The following ERO1A variants were observed in gnomAD, a reference collection of about 807,000 sequenced individuals.
The protein encoded by ERO1A is ERO1-like protein alpha.
In ERO1A, 49 loss-of-function variants were observed where a neutral mutation model predicts 76.9. That is an observed-to-expected ratio of 0.64 (90% CI 0.51 to 0.81). The LOEUF (loss-of-function observed/expected upper bound fraction) is 0.81. ERO1A is among the 30% of genes least tolerant of loss of function. The probability of loss-of-function intolerance (pLI) is 0.00; values close to 1 mark genes in which losing one functional copy is unlikely to be tolerated. For missense variants in ERO1A, 448 were observed against 542.1 expected (o/e 0.83, Z 1.72); for synonymous variants, 174 against 181.2 (o/e 0.96, Z 0.32).
intron 7 of ERO1A, among the ~76,000 whole-genome samples, chr14:52,665,020 CT>C (rs2040362506): frequency 6.6e-6 from 1 of 150,530 alleles, no homozygotes; most frequent in Admixed American, 7.0e-5. Context: ...AATCCCAGCA[CT>C]TTGGGCATGG....
At chr14:52,674,000 A>C (rs1424800512) in intron 4 of ERO1A, among the ~76,000 whole-genome samples, 1 of 152,250 alleles carries the variant, frequency 6.6e-6, no homozygotes, top group Non-Finnish European at 1.5e-5. Context: ...TTTGTTTCAT[A>C]GATTTCTTGA....
At chr14:52,668,834 A>G (rs563865139) in intron 6 of ERO1A, among the ~76,000 whole-genome samples, 3 of 149,206 alleles carry the variant, frequency 2.0e-5, no homozygotes, top group Non-Finnish European at 4.4e-5. Context: ...ATTATATTAA[A>G]TATTACTATA....
rs2039419899 is a variant in ERO1A at position 52,640,028 on chromosome 14, C to G, written c.*3542G>C. 6.6e-6 allele frequency: 1 copy of G among 152,182 alleles called. No homozygotes were observed. The highest frequency in any genetic ancestry group is 1.5e-5 in the Non-Finnish European group (1 of 68,022). The allele number at this position is 152,182 out of a possible 1,614,324, so 9.4% of individuals were successfully genotyped here. A position where few individuals can be genotyped will look rare whatever the true frequency, so the allele number is the denominator to read the frequency against. ...AGTATTTGGAATATAGGTAGGACCT[C>G]TAATATAATAAAGATGTCACTTTAA... is the stretch of plus-strand genomic sequence containing the variant. On this transcript the variant is annotated 3_prime_UTR_variant, in exon 16 of 16. Transcript: ENST00000395686.
At chr14:52,662,643 G>C (rs957068586) in intron 8 of ERO1A, among the ~76,000 whole-genome samples, 1 of 152,108 alleles carries the variant, frequency 6.6e-6, no homozygotes, top group Non-Finnish European at 1.5e-5. Flanking sequence ...TTACAGATGG[G>C]GTAGGGTTTT....
chr14:52,687,149 T>C (rs1490774061), intron 1 of ERO1A, among the ~76,000 whole-genome samples: 1 of 152,082 alleles, frequency 6.6e-6, no homozygotes, highest in East Asian at 1.9e-4. Context: ...GTTACTAGAA[T>C]AGAATCTCAG....
At chr14:52,644,310 C>T (rs779758845) in intron 15 of ERO1A, among the ~76,000 whole-genome samples, 49 of 152,204 alleles carry the variant, frequency 3.2e-4, no homozygotes, top group Non-Finnish European at 6.2e-4. Flanking sequence ...GAAAATTAGC[C>T]AGGCATGGTG....
chr14:52,682,278 G>T, intron 3 of ERO1A, 47 bp downstream of exon 3: 1 of 1,369,316 alleles, frequency 7.3e-7, no homozygotes, highest in Non-Finnish European at 1.0e-6. Flanking sequence ...AAGTTATAAT[G>T]AATGAAAAAA....
At chr14:52,660,657 A>C (rs1022906123) in intron 9 of ERO1A, among the ~76,000 whole-genome samples, 5 of 152,242 alleles carry the variant, frequency 3.3e-5, no homozygotes, top group Middle Eastern at 3.2e-3. Context: ...ATGTTCAGAA[A>C]ATAGAGGATT....
chr14:52,654,303 T>C (rs1025791822), intron 11 of ERO1A, among the ~76,000 whole-genome samples: 1 of 152,166 alleles, frequency 6.6e-6, no homozygotes, highest in African/African-American at 2.4e-5. Context: ...TTATAAAATA[T>C]AGTAGTGCAC....
At chr14:52,683,278 C>T (rs1004133466) in intron 2 of ERO1A, among the ~76,000 whole-genome samples, 1 of 150,002 alleles carries the variant, frequency 6.7e-6, no homozygotes, top group Admixed American at 6.6e-5. Context: ...CAAAGTAGCT[C>T]GACTCACATT....
intron 11 of ERO1A, among the ~76,000 whole-genome samples, chr14:52,654,328 A>G (rs1476501740): frequency 6.6e-6 from 1 of 152,168 alleles, no homozygotes; most frequent in East Asian, 1.9e-4. Flanking sequence ...AACAATTTTT[A>G]GATGTATTTC....
At chr14:52,695,306 G>T in intron 1 of ERO1A, 62 bp downstream of exon 1, 2 of 1,158,404 alleles carry the variant, frequency 1.7e-6, no homozygotes, top group Non-Finnish European at 2.3e-6. Context: ...GCCAGGGCGT[G>T]CGGGACAGTG....
At chr14:52,676,039 T>C (rs1192263035) in intron 4 of ERO1A, among the ~76,000 whole-genome samples, 2 of 152,240 alleles carry the variant, frequency 1.3e-5, no homozygotes, top group Non-Finnish European at 2.9e-5. Flanking sequence ...AAGTAGACAC[T>C]GAGGCTTTAT....
intron 4 of ERO1A, 162 bp from the exon 5 acceptor site, chr14:52,672,033 G>A (rs755255949): frequency 3.2e-5 from 18 of 558,162 alleles, no homozygotes; most frequent in African/African-American, 9.7e-5. Context: ...GGCCAGGTAC[G>A]GTGGCTCACG....
intron 4 of ERO1A, among the ~76,000 whole-genome samples, chr14:52,672,776 C>CAAAAAAAAAAAAAAAAAA (rs1226719026): frequency 1.6e-5 from 1 of 61,090 alleles, no homozygotes; most frequent in East Asian, 4.7e-4. Flanking sequence ...TGTCTCTGAC[C>CAAAAAAAAAAAAAAAAAA]AAAAAAAAAA....
Position 52,695,351 on chromosome 14 carries a change from A to C in ERO1A, c.114+17T>G. On this transcript the variant is annotated intron_variant, in intron 1 of 15. Coordinates refer to ENST00000395686, the MANE Select transcript of ERO1A (RefSeq NM_014584.3). ...GAGGGCGCCGGGACCCTCAGCACCA[A>C]CGCGCACATCGCTCACCTGGCAGAA... is the stretch of plus-strand genomic sequence containing the variant. 1 of 1,418,740 alleles carries C rather than the reference A, an allele frequency of 7.0e-7. No homozygotes were observed. The highest frequency in any genetic ancestry group is 1.9e-4 in the Middle Eastern group (1 of 5,244). 87.9% of individuals were successfully genotyped at this position (1,418,740 alleles called of 1,614,324 possible).
intron 6 of ERO1A, among the ~76,000 whole-genome samples, chr14:52,670,608 G>A (rs565352720): frequency 6.6e-6 from 1 of 152,210 alleles, no homozygotes; most frequent in African/African-American, 2.4e-5. Flanking sequence ...CTTAACTTCA[G>A]ACATCACAGA....
chr14:52,653,340 T>G (rs200748840), intron 11 of ERO1A, 25 bp from the exon 12 acceptor site: 1 of 1,538,670 alleles, frequency 6.5e-7, no homozygotes, highest in African/African-American at 1.4e-5. Flanking sequence ...GAATTAAATA[T>G]TAAAAACTGA....
chr14:52,661,298 C>A lies in ERO1A; in HGVS notation c.683G>T (p.Ser228Ile). 1 of 1,352,274 alleles carries A rather than the reference C, an allele frequency of 7.4e-7. No individual in the cohort carries two copies. Among genetic ancestry groups the A allele is most frequent in the Non-Finnish European group, 9.9e-7 (1 of 1,008,082 alleles). 83.8% of individuals were successfully genotyped at this position (1,352,274 alleles called of 1,614,324 possible). Reference sequence around the variant, plus strand: ...ATATAATAAATTATACTTACCTTCACTTGTCCCTGAAAAGCAAAACAAAAT... The same window carrying A: ...ATATAATAAATTATACTTACCTTCAATTGTCCCTGAAAAGCAAAACAAAAT... ...LNPLASGQGT[S>I]EENTFYSWLE... is the part of the protein sequence containing the mutation. The change falls in exon 9 of 16, where the codon AGT (serine) becomes ATT (isoleucine). Residue 228 changes from serine to isoleucine, a missense_variant. Physicochemically the swap from Ser to Ile is moderately radical, Grantham distance 142. Coordinates refer to ENST00000395686, the MANE Select transcript of ERO1A (RefSeq NM_014584.3).
Sources: gnomAD v4.1 joint callset for allele counts (sites outside exome capture counted in the v4.1 genomes callset) on GRCh38, gnomAD v4.1.1 for gene constraint, MANE v1.5 for transcripts, NCBI Gene and HGNC (gene_info 2026-07-23, HGNC 2026-07-21) for gene names.